Variants in EEPD1 observed in about 807,000 individuals in gnomAD.
The protein encoded by EEPD1 is endonuclease/exonuclease/phosphatase family domain containing 1, also known as endonuclease/exonuclease/phosphatase family domain-containing protein 1.
A neutral mutation model predicts 46.3 loss-of-function variants in EEPD1; 17 were observed. The observed-to-expected ratio is 0.37, with a 90% confidence interval of 0.25 to 0.55. The LOEUF (loss-of-function observed/expected upper bound fraction) is 0.55. Among genes scored for constraint, EEPD1 ranks in the 20% least tolerant of loss-of-function variants. The pLI is 0.83. For synonymous variants in EEPD1, 313 were observed against 315.6 expected (o/e 0.99, Z 0.09); for missense variants, 673 against 745.6 (o/e 0.90, Z 1.13).
At chr7:36,177,425 T>C (rs1409534652) in intron 2 of EEPD1, among the ~76,000 whole-genome samples, 1 of 152,136 alleles carries the variant, frequency 6.6e-6, no homozygotes, top group African/African-American at 2.4e-5. Flanking sequence ...CCCCACTCCC[T>C]CCCTTCTAGT....
intron 3 of EEPD1, among the ~76,000 whole-genome samples, chr7:36,250,677 C>A (rs1245384728): frequency 1.3e-5 from 2 of 152,150 alleles, no homozygotes; most frequent in Non-Finnish European, 2.9e-5. Context: ...AGCTCTCGTT[C>A]TAGATCAGTG....
intron 6 of EEPD1, among the ~76,000 whole-genome samples, chr7:36,290,200 C>T (rs1403178271): frequency 6.6e-6 from 1 of 152,170 alleles, no homozygotes; most frequent in Non-Finnish European, 1.5e-5. Context: ...TCTTTGACAG[C>T]CTTAGGCAGT....
At chr7:36,214,053 A>T (rs909473175) in intron 2 of EEPD1, among the ~76,000 whole-genome samples, 2 of 152,178 alleles carry the variant, frequency 1.3e-5, no homozygotes, top group Admixed American at 1.3e-4. Context: ...GACAGCAGAC[A>T]CCAGTGCCAA....
intron 3 of EEPD1, among the ~76,000 whole-genome samples, chr7:36,248,994 A>AACACACACACACAAACACACACAC (rs1786687644): frequency 7.4e-6 from 1 of 135,350 alleles, no homozygotes; most frequent in Non-Finnish European, 1.6e-5. Context: ...TGGTTCATTA[A>AACACACACACACAAACACACACAC]ACACACACAC....
chr7:36,165,385 G>A (rs1470086463), intron 2 of EEPD1, among the ~76,000 whole-genome samples: 1 of 137,832 alleles, frequency 7.3e-6, no homozygotes, highest in Non-Finnish European at 1.5e-5. Flanking sequence ...TTTGCACAAT[G>A]ATGAAATCGC....
intron 2 of EEPD1, among the ~76,000 whole-genome samples, chr7:36,232,632 G>T (rs778451651): frequency 6.7e-6 from 1 of 149,340 alleles, no homozygotes; most frequent in African/African-American, 2.5e-5. Context: ...CTCATATGCC[G>T]ATTTCAGTAG....
chr7:36,226,837 G>A (rs1013590113), intron 2 of EEPD1, among the ~76,000 whole-genome samples: 4 of 152,032 alleles, frequency 2.6e-5, no homozygotes, highest in African/African-American at 9.7e-5. Context: ...AGAGAAAAAA[G>A]TATGGCTTTA....
intron 2 of EEPD1, among the ~76,000 whole-genome samples, chr7:36,182,476 C>T (rs1583792622): frequency 6.6e-6 from 1 of 152,280 alleles, no homozygotes; most frequent in East Asian, 1.9e-4. Context: ...ATGTGAATAT[C>T]TTACCTTTCA....
intron 2 of EEPD1, among the ~76,000 whole-genome samples, chr7:36,213,809 C>T (rs1209944010): frequency 6.6e-6 from 1 of 152,090 alleles, no homozygotes; most frequent in Admixed American, 6.5e-5. Flanking sequence ...GGCGTGTACC[C>T]CCCCGGATTG....
intron 3 of EEPD1, among the ~76,000 whole-genome samples, chr7:36,276,970 C>T (rs1034191374): frequency 6.6e-6 from 1 of 152,194 alleles, no homozygotes; most frequent in African/African-American, 2.4e-5. Context: ...ACCTTTCTGC[C>T]CTGGTGGGCT....
chr7:36,292,548 C>A (rs981729558), intron 6 of EEPD1, among the ~76,000 whole-genome samples: 2 of 151,650 alleles, frequency 1.3e-5, no homozygotes, highest in African/African-American at 4.9e-5. Flanking sequence ...CTCACTCTAG[C>A]CGAGGCTGGA....
chr7:36,219,327 A>G (rs1786090603), intron 2 of EEPD1, among the ~76,000 whole-genome samples: 1 of 148,414 alleles, frequency 6.7e-6, no homozygotes, highest in Admixed American at 6.6e-5. Context: ...GTCATTTTAC[A>G]GGAAAAAAAA....
At chr7:36,281,072 T>C (rs759944682) in intron 3 of EEPD1, 43 bp from the exon 4 acceptor site, 2 of 1,584,792 alleles carry the variant, frequency 1.3e-6, no homozygotes, top group African/African-American at 1.3e-5. Flanking sequence ...GGGACTGCTT[T>C]AGGCGCGAAC....
At chr7:36,286,269 A>G (rs1419959728) in intron 5 of EEPD1, among the ~76,000 whole-genome samples, 1 of 152,206 alleles carries the variant, frequency 6.6e-6, no homozygotes, top group African/African-American at 2.4e-5. Flanking sequence ...CAGTTGGTGC[A>G]GTACAGAGAT....
chr7:36,234,827 C>G (rs1236725438), intron 2 of EEPD1, among the ~76,000 whole-genome samples: 1 of 152,020 alleles, frequency 6.6e-6, no homozygotes, highest in Non-Finnish European at 1.5e-5. Context: ...TGTCGTCACA[C>G]CATCCATAGC....
intron 3 of EEPD1, among the ~76,000 whole-genome samples, chr7:36,278,444 TCTC>T (rs1347175772): frequency 1.5e-5 from 2 of 132,696 alleles, no homozygotes; most frequent in Non-Finnish European, 3.1e-5. Context: ...GTGTGTTCCT[TCTC>T]CACCCCCAGG....
rs955754896 is a variant in EEPD1 at position 36,261,224 on chromosome 7, G to T, written c.931-19891G>T. Among the ~76,000 whole-genome samples, 5 of 152,276 alleles carry T rather than the reference G, an allele frequency of 3.3e-5. No homozygotes were observed. The East Asian group carries it at 9.6e-4, about 29-fold the overall frequency. On this transcript the variant is annotated intron_variant, in intron 3 of 7. Transcript: ENST00000242108. The stretch of plus-strand genomic sequence containing the variant: ...CAGGTTCCCATATAAAGATTTATTT[G>T]TTGCTATGAGTCATGGTCCAGAATG...
chr7:36,222,818 A>G (rs1786169787), intron 2 of EEPD1, among the ~76,000 whole-genome samples: 4 of 152,042 alleles, frequency 2.6e-5, no homozygotes, highest in Non-Finnish European at 4.4e-5. Context: ...CTCATGTCCT[A>G]ATCACCTCCC....
intron 6 of EEPD1, among the ~76,000 whole-genome samples, chr7:36,290,974 T>C (rs182057363): frequency 6.6e-6 from 1 of 152,298 alleles, no homozygotes; most frequent in Non-Finnish European, 1.5e-5. Context: ...CGACGCGGAT[T>C]CAATCGGAAG....
Sources: gnomAD v4.1 joint callset for allele counts (sites outside exome capture counted in the v4.1 genomes callset) on GRCh38, gnomAD v4.1.1 for gene constraint, MANE v1.5 for transcripts, NCBI Gene and HGNC (gene_info 2026-07-23, HGNC 2026-07-21) for gene names.